Variants in GPC6 observed in about 807,000 individuals in gnomAD.
The protein encoded by GPC6 is glypican-6.
GPC6 carries 14 observed loss-of-function variants against 55.2 expected under a neutral mutation model. The ratio of observed to expected loss-of-function variants is 0.25; its 90% CI spans 0.17 to 0.40. The LOEUF (loss-of-function observed/expected upper bound fraction) is 0.40. Ranked by LOEUF, GPC6 falls within the 10% of genes least tolerant of loss-of-function variation. GPC6 has a pLI of 1.00. For synonymous variants in GPC6, 278 were observed against 259.6 expected (o/e 1.07, Z -0.68); for missense variants, 641 against 708.5 (o/e 0.90, Z 1.08).
intron 3 of GPC6, among the ~76,000 whole-genome samples, chr13:93,882,156 TTTTG>T (rs955050507): frequency 5.9e-5 from 9 of 151,960 alleles, no homozygotes. Context: ...TATTTTTGTT[TTTTG>T]TTTGTTTGTT....
rs895787927 is a variant in GPC6 at position 94,324,465 on chromosome 13, A to T, written c.1152+18342A>T. Reference sequence around the variant, plus strand: ...CTCCCTTGAAGGTGAACACAGGGACAAGTTACCAACTGTAATTTAACTGTA... The same window carrying T: ...CTCCCTTGAAGGTGAACACAGGGACTAGTTACCAACTGTAATTTAACTGTA... On this transcript the variant is annotated intron_variant, in intron 6 of 8. Transcript: ENST00000377047. Among the ~76,000 whole-genome samples, 4 of 152,216 alleles carry T rather than the reference A, an allele frequency of 2.6e-5. No homozygotes were observed. In the South Asian group the frequency reaches 6.2e-4, roughly 24 times the overall value.
chr13:93,384,813 T>C (rs564813440), intron 1 of GPC6, among the ~76,000 whole-genome samples: 2 of 152,330 alleles, frequency 1.3e-5, no homozygotes, highest in Admixed American at 6.5e-5. Flanking sequence ...TACCCTCCCG[T>C]GGTTTAGAAA....
chr13:93,806,723 G>A (rs1441252221), intron 2 of GPC6, among the ~76,000 whole-genome samples: 1 of 152,144 alleles, frequency 6.6e-6, no homozygotes, highest in African/African-American at 2.4e-5. Context: ...AATATACAAT[G>A]TTAGGATTCT....
intron 3 of GPC6, among the ~76,000 whole-genome samples, chr13:93,843,793 A>G (rs76796299): frequency 0.028 from 4,310 of 152,052 alleles, 198 homozygotes; most frequent in African/African-American, 0.096. Context: ...AGGTCTGAAC[A>G]CTCCTGGAGT....
chr13:93,351,990 G>A (rs545415144), intron 1 of GPC6, among the ~76,000 whole-genome samples: 41 of 152,154 alleles, frequency 2.7e-4, no homozygotes, highest in Non-Finnish European at 4.4e-4. Context: ...TCTTGGCAGC[G>A]TAAAAGGAAA....
At chr13:93,666,890 A>G (rs1881160278) in intron 2 of GPC6, among the ~76,000 whole-genome samples, 1 of 152,200 alleles carries the variant, frequency 6.6e-6, no homozygotes, top group Non-Finnish European at 1.5e-5. Flanking sequence ...AACTGTGGAA[A>G]TCGGACTTAA....
intron 1 of GPC6, among the ~76,000 whole-genome samples, chr13:93,372,543 T>C (rs1427979838): frequency 2.6e-5 from 4 of 152,208 alleles, no homozygotes; most frequent in African/African-American, 4.8e-5. Context: ...ATGGGGTAGA[T>C]ACTATTTTAG....
At chr13:94,402,187 TTGC>T (rs914743148) in intron 8 of GPC6, among the ~76,000 whole-genome samples, 7 of 152,318 alleles carry the variant, frequency 4.6e-5, no homozygotes, top group African/African-American at 1.7e-4. Flanking sequence ...CTCACTACTA[TTGC>T]TGCTGCTCCT....
chr13:93,356,764 A>G lies in GPC6; in HGVS notation c.160+129148A>G, dbSNP rs117378003. On this transcript the variant is annotated intron_variant, in intron 1 of 8. Coordinates refer to ENST00000377047, the MANE Select transcript of GPC6 (RefSeq NM_005708.5). ...TTGATCTTTTCAGAAAGAACTAGAA[A>G]ATTGGATGGTATTTGCAGGAGCCTT... is the stretch of plus-strand genomic sequence containing the variant. Among the ~76,000 whole-genome samples, 20 of 152,294 alleles carry G rather than the reference A, an allele frequency of 1.3e-4. No individual in the cohort carries two copies. The East Asian group carries it at 3.9e-3, about 29-fold the overall frequency.
intron 1 of GPC6, among the ~76,000 whole-genome samples, chr13:93,372,365 A>G (rs776531193): frequency 5.9e-5 from 9 of 152,238 alleles, no homozygotes; most frequent in Non-Finnish European, 1.3e-4. Context: ...GTAAGGCTCT[A>G]TTAATATTTC....
chr13:94,191,757 G>T (rs1889402178), intron 4 of GPC6, among the ~76,000 whole-genome samples: 1 of 152,102 alleles, frequency 6.6e-6, no homozygotes, highest in Non-Finnish European at 1.5e-5. Context: ...ATCTTCCCAT[G>T]GGGAGCTCCT....
intron 4 of GPC6, among the ~76,000 whole-genome samples, chr13:94,127,051 C>CT (rs1236091995): frequency 1.6e-4 from 25 of 151,958 alleles, no homozygotes; most frequent in African/African-American, 3.9e-4. Context: ...AATATGGTAA[C>CT]TTTTTTTCCT....
At chr13:94,379,537 AC>A (rs1880063183) in intron 6 of GPC6, among the ~76,000 whole-genome samples, 1 of 152,040 alleles carries the variant, frequency 6.6e-6, no homozygotes, top group Non-Finnish European at 1.5e-5. Flanking sequence ...GTTTTCTCCC[AC>A]CCCTCTTGGG....
At chr13:93,439,727 C>T (rs567414361) in intron 1 of GPC6, among the ~76,000 whole-genome samples, 39 of 149,034 alleles carry the variant, frequency 2.6e-4, no homozygotes, top group African/African-American at 9.7e-4. Context: ...AATAAAACAC[C>T]AAGCTTCGGG....
intron 1 of GPC6, among the ~76,000 whole-genome samples, chr13:93,361,406 C>T (rs556413329): frequency 6.6e-6 from 1 of 152,232 alleles, no homozygotes; most frequent in Non-Finnish European, 1.5e-5. Context: ...ATGTATATTG[C>T]TCCATCCTGC....
intron 3 of GPC6, among the ~76,000 whole-genome samples, chr13:93,927,990 T>C (rs1594594904): frequency 6.6e-6 from 1 of 151,504 alleles, no homozygotes; most frequent in African/African-American, 2.5e-5. Flanking sequence ...GATCCAGGTC[T>C]GATTTTTTTT....
intron 4 of GPC6, among the ~76,000 whole-genome samples, chr13:94,164,474 G>A (rs1888280300): frequency 6.6e-6 from 1 of 152,200 alleles, no homozygotes; most frequent in African/African-American, 2.4e-5. Context: ...ACAGTCTAGA[G>A]AAAGCAAAAT....
chr13:93,441,524 A>G (rs984692886), intron 1 of GPC6, among the ~76,000 whole-genome samples: 1 of 152,034 alleles, frequency 6.6e-6, no homozygotes, highest in Non-Finnish European at 1.5e-5. Context: ...TCCTTCACCT[A>G]CTTTTTGATG....
intron 1 of GPC6, among the ~76,000 whole-genome samples, chr13:93,345,154 G>A (rs1003644753): frequency 1.3e-5 from 2 of 152,210 alleles, no homozygotes; most frequent in South Asian, 4.1e-4. Flanking sequence ...AGAACATCCT[G>A]TCTGGAGTCA....
Sources: allele counts gnomAD v4.1 joint callset (sites outside exome capture counted in the v4.1 genomes callset), GRCh38; gene constraint gnomAD v4.1.1; transcripts MANE v1.5; gene names NCBI Gene and HGNC (gene_info 2026-07-23, HGNC 2026-07-21).